The following ZNF366 variants were observed in gnomAD, a reference collection of about 807,000 sequenced individuals.
ZNF366 encodes the protein dendritic cell-specific transcript protein.
ZNF366 carries 20 observed loss-of-function variants against 47.2 expected under a neutral mutation model. The observed-to-expected ratio is 0.42, with a 90% CI of 0.30 to 0.62. The LOEUF is 0.62. Among genes scored for constraint, ZNF366 ranks in the 20% least tolerant of loss-of-function variants. ZNF366 has a pLI of 0.16. For missense variants in ZNF366, 987 were observed against 976.3 expected, an observed-to-expected ratio of 1.01 and a Z score of -0.15; for synonymous variants, 421 against 395.1, an observed-to-expected ratio of 1.07 and a Z score of -0.78.
In ZNF366 at chr5:72,443,998, C is replaced by T. The variant is rs369388922; in HGVS notation, c.1993G>A (p.Glu665Lys). ...CCCTTGGATGCATCCTCCTTCTCCT[C>T]CTTGCAGGCTTCCTCCAGCACCTCG... The part of the protein sequence containing the change: ...APEVLEEACK[E>K]EKEDASKGEW... The change falls in exon 5 of 5, where the codon GAG (glutamate) becomes AAG (lysine). Residue 665 changes from glutamate (E) to lysine (K), a missense_variant. By Grantham distance (56) the Glu-to-Lys change is moderately conservative. This residue lies in a region of ZNF366 where 285 missense variants were observed against 234.8 expected (regional missense o/e 1.21). Transcript: ENST00000318442. The T allele has an allele frequency of 1.2e-6, 2 of 1,614,094 alleles. No homozygotes were observed. The highest frequency in any genetic ancestry group is 1.7e-6 in the Non-Finnish European group (2 of 1,180,038).
chr5:72,462,547 C>CTTTCTTTCTTTTTTTCTT (rs11275151), intron 1 of ZNF366, among the ~76,000 whole-genome samples: 1 of 78,916 alleles, frequency 1.3e-5, no homozygotes, highest in African/African-American at 6.0e-5. Context: ...TTCTTTCTTT[C>CTTTCTTTCTTTTTTTCTT]TTTTTTTTTT....
intron 1 of ZNF366, among the ~76,000 whole-genome samples, chr5:72,470,367 G>T (rs1446432294): frequency 8.5e-5 from 13 of 152,216 alleles, no homozygotes. Context: ...ATTGCTGCAA[G>T]ATTCTGCAGG....
At chr5:72,503,176 T>C (rs1318687280) in intron 1 of ZNF366, among the ~76,000 whole-genome samples, 2 of 152,146 alleles carry the variant, frequency 1.3e-5, no homozygotes. Context: ...ATCTAAGTAA[T>C]TGATCTTGTG....
rs773161566 is a variant in ZNF366 at position 72,461,126 on chromosome 5, T to A, written c.371A>T (p.Tyr124Phe). 1.4e-5 allele frequency: 23 copies of A among 1,613,812 alleles called. No individual in the cohort carries two copies. Among genetic ancestry groups the A allele is most frequent in the Non-Finnish European group, 1.7e-5 (20 of 1,179,984 alleles). Residue 124 changes from tyrosine (Y) to phenylalanine (F), a missense_variant, in exon 2 of 5, where the codon TAT (tyrosine) becomes TTT (phenylalanine). Tyr to Phe is a conservative substitution (Grantham distance 22). Transcript: ENST00000318442. ...LLFPQPPRPKYDSQMIDLCNV... is the reference protein window; with the variant it reads ...LLFPQPPRPKFDSQMIDLCNV... Reference sequence around the variant, plus strand: ...GCACAGGTCGATCATCTGAGAGTCATACTTGGGGCGCGGGGGCTGCGGGAA... The same window carrying A: ...GCACAGGTCGATCATCTGAGAGTCAAACTTGGGGCGCGGGGGCTGCGGGAA...
chr5:72,482,250 A>C (rs985535173), intron 1 of ZNF366, among the ~76,000 whole-genome samples: 3 of 152,248 alleles, frequency 2.0e-5, no homozygotes, highest in African/African-American at 7.2e-5. Flanking sequence ...AAAACCTAGA[A>C]AAGATCCCCC....
intron 3 of ZNF366, among the ~76,000 whole-genome samples, chr5:72,447,998 C>A (rs941210251): frequency 3.3e-5 from 5 of 152,172 alleles, no homozygotes; most frequent in Non-Finnish European, 7.3e-5. Context: ...AACCACCAGA[C>A]CATACTGTGC....
intron 1 of ZNF366, among the ~76,000 whole-genome samples, chr5:72,467,272 G>A (rs1240633284): frequency 6.6e-6 from 1 of 152,184 alleles, no homozygotes; most frequent in Admixed American, 6.5e-5. Context: ...GGGTTCATCT[G>A]TGTTAAAGGA....
chr5:72,473,720 C>T (rs541143549), intron 1 of ZNF366, among the ~76,000 whole-genome samples: 9 of 152,262 alleles, frequency 5.9e-5, no homozygotes, highest in Non-Finnish European at 8.8e-5. Flanking sequence ...TGACATTAAA[C>T]CCACTGATCC....
At chr5:72,495,048 A>G (rs1172305501) in intron 1 of ZNF366, among the ~76,000 whole-genome samples, 4 of 152,198 alleles carry the variant, frequency 2.6e-5, no homozygotes, top group African/African-American at 9.6e-5. Context: ...AAGTTTCTTG[A>G]AGAAGTTTCC....
Position 72,443,827 on chromosome 5 carries a change from G to T in ZNF366, c.2164C>A (p.His722Asn). The change falls in exon 5 of 5, where the codon CAC (histidine) becomes AAC (asparagine). Residue 722 changes from histidine to asparagine, a missense_variant. Physicochemically the swap from His to Asn is moderately conservative, Grantham distance 68. Around this residue, in one of 3 missense-constraint regions of ZNF366, gnomAD observed 285 missense variants for 234.8 expected, o/e 1.21. Transcript: ENST00000318442. ...AATTCTTTCAAACTCTCATCTCTGT[G>T]CTTGAAGTATAAGTAATCAGAAAAA... ...PSFSDYLYFK[H>N]RDESLKELLE... 1 of 1,614,158 alleles carries T rather than the reference G, an allele frequency of 6.2e-7. No individual in the cohort carries two copies. Among genetic ancestry groups the T allele is most frequent in the African/African-American group, 1.3e-5 (1 of 75,024 alleles).
chr5:72,470,271 C>T (rs77611013), intron 1 of ZNF366, among the ~76,000 whole-genome samples: 2,100 of 152,242 alleles, frequency 0.014, 41 homozygotes, highest in African/African-American at 0.049. Context: ...GTTGCCATGG[C>T]CCCACCAGAT....
At chr5:72,467,696 T>A (rs1246475524) in intron 1 of ZNF366, among the ~76,000 whole-genome samples, 5 of 152,198 alleles carry the variant, frequency 3.3e-5, no homozygotes, top group Non-Finnish European at 7.3e-5. Context: ...TATTCACTCT[T>A]CCACGAAAGA....
rs1246515891 is a variant in ZNF366, at chr5:72,443,726, T to A, written c.*30A>T. The A allele has an allele frequency of 1.9e-6, 3 of 1,586,780 alleles. No individual in the cohort carries two copies. The East Asian group carries it at 6.7e-5, about 36-fold the overall frequency. ...CTATATTTGAACTGCCTCCTTCTCATTTTCCAAATGTAATTTTAAAACTGT... is the reference window on the plus strand; with the variant it reads ...CTATATTTGAACTGCCTCCTTCTCAATTTCCAAATGTAATTTTAAAACTGT... On this transcript the variant is annotated 3_prime_UTR_variant, in exon 5 of 5. Transcript: ENST00000318442.
At chr5:72,479,341 T>C (rs1188355011) in intron 1 of ZNF366, among the ~76,000 whole-genome samples, 2 of 152,066 alleles carry the variant, frequency 1.3e-5, no homozygotes, top group African/African-American at 4.8e-5. Flanking sequence ...GGCAGGAGGA[T>C]GGCTTGAGCC....
At chr5:72,477,291 G>A (rs143292498) in intron 1 of ZNF366, among the ~76,000 whole-genome samples, 15 of 152,152 alleles carry the variant, frequency 9.9e-5, no homozygotes, top group Admixed American at 2.6e-4. Context: ...CCCAGAGAGG[G>A]TACACAGAAT....
At chr5:72,473,821 C>T (rs1019395486) in intron 1 of ZNF366, among the ~76,000 whole-genome samples, 3 of 152,164 alleles carry the variant, frequency 2.0e-5, no homozygotes, top group African/African-American at 7.2e-5. Flanking sequence ...CTCCCTGCAG[C>T]CTAGGATTCA....
intron 2 of ZNF366, 128 bp downstream of exon 2, chr5:72,460,037 G>T: frequency 7.7e-7 from 1 of 1,294,340 alleles, no homozygotes; most frequent in Non-Finnish European, 1.0e-6. Flanking sequence ...GGGACCGCTT[G>T]TCCGGGGTTG....
chr5:72,453,354 T>C (rs1443671289), intron 3 of ZNF366, among the ~76,000 whole-genome samples: 2 of 152,220 alleles, frequency 1.3e-5, no homozygotes, highest in African/African-American at 2.4e-5. Context: ...GGATGGCTCT[T>C]CCCTGTTATG....
intron 1 of ZNF366, among the ~76,000 whole-genome samples, chr5:72,491,800 A>G (rs1243213595): frequency 6.6e-6 from 1 of 152,202 alleles, no homozygotes; most frequent in Non-Finnish European, 1.5e-5. Context: ...AAGAAAATCA[A>G]TCATTTTATT....
Sources: gnomAD v4.1 joint callset for allele counts (sites outside exome capture counted in the v4.1 genomes callset) on GRCh38, gnomAD v4.1.1 for gene constraint, gnomAD v4.1.1 regional missense constraint, MANE v1.5 for transcripts, NCBI Gene and HGNC (gene_info 2026-07-23, HGNC 2026-07-21) for gene names.